Variants in DAB1 observed in about 807,000 individuals in gnomAD.
The protein encoded by DAB1 is disabled homolog 1.
DAB1 carries 15 observed loss-of-function variants against 64.6 expected under a neutral mutation model. The ratio of observed to expected loss-of-function variants is 0.23; its 90% CI spans 0.16 to 0.36. The LOEUF (loss-of-function observed/expected upper bound fraction) is 0.36. Among genes scored for constraint, DAB1 ranks in the 10% least tolerant of loss-of-function variants. The pLI, the probability that DAB1 is intolerant of heterozygous loss-of-function variation, is 1.00. For missense variants in DAB1, 596 were observed against 706.7 expected, an observed-to-expected ratio of 0.84 and a Z score of 1.78; for synonymous variants, 235 against 251.9, an observed-to-expected ratio of 0.93 and a Z score of 0.64.
Position 57,410,978 on chromosome 1 carries a change from T to C in DAB1, c.-137+12952A>G, listed in dbSNP as rs955394644. Among the ~76,000 whole-genome samples the C allele has an allele frequency of 2.6e-5, 4 of 152,176 alleles. No individual in the cohort carries two copies. The South Asian group carries it at 6.2e-4, about 24-fold the overall frequency. ...TCACCAGTACTGATGTCATAAGGGATGACTGTTGGAGGGAAATGAATATCT... is the reference window on the plus strand; with the variant it reads ...TCACCAGTACTGATGTCATAAGGGACGACTGTTGGAGGGAAATGAATATCT... On this transcript the variant is annotated intron_variant, in intron 1 of 14. Transcript: ENST00000371236.
At chr1:57,623,809 C>T (rs1645890361) in intron 7 of DAB1, among the ~76,000 whole-genome samples, 1 of 152,218 alleles carries the variant, frequency 6.6e-6, no homozygotes, top group East Asian at 1.9e-4. Context: ...TGTCTTCTTA[C>T]ACCTGTCCAT....
At chr1:58,277,320 G>A (rs1263239989) in intron 4 of DAB1, among the ~76,000 whole-genome samples, 2 of 152,220 alleles carry the variant, frequency 1.3e-5, no homozygotes, top group South Asian at 2.1e-4. Context: ...GATTACAGGC[G>A]TGACCCACCG....
chr1:57,319,395 A>G (rs903523210), intron 1 of DAB1, among the ~76,000 whole-genome samples: 3 of 151,980 alleles, frequency 2.0e-5, no homozygotes, highest in African/African-American at 7.3e-5. Context: ...TTTTCTATAC[A>G]CATATTTGGA....
intron 4 of DAB1, among the ~76,000 whole-genome samples, chr1:58,159,340 T>C (rs929398535): frequency 6.6e-6 from 1 of 152,202 alleles, no homozygotes; most frequent in South Asian, 2.1e-4. Context: ...CCATCGAGTT[T>C]ATCCATTTCC....
chr1:57,153,902 G>A (rs1659959514), intron 2 of DAB1, among the ~76,000 whole-genome samples: 1 of 152,112 alleles, frequency 6.6e-6, no homozygotes, highest in Non-Finnish European at 1.5e-5. Flanking sequence ...GCCTTCCAAA[G>A]TGTTGGGATT....
chr1:57,200,571 G>C (rs1360839874), intron 2 of DAB1, among the ~76,000 whole-genome samples: 1 of 151,640 alleles, frequency 6.6e-6, no homozygotes, highest in Non-Finnish European at 1.5e-5. Context: ...CTTTCTGGGT[G>C]TCAGTTTCCT....
intron 2 of DAB1, among the ~76,000 whole-genome samples, chr1:57,161,700 A>G (rs1159162259): frequency 6.6e-6 from 1 of 152,152 alleles, no homozygotes; most frequent in African/African-American, 2.4e-5. Context: ...AAAGGGAAAC[A>G]TGTTCAAGAC....
At chr1:58,280,960 G>A (rs1462725981) in intron 4 of DAB1, among the ~76,000 whole-genome samples, 1 of 152,208 alleles carries the variant, frequency 6.6e-6, no homozygotes, top group South Asian at 2.1e-4. Context: ...GAGGAGTTGG[G>A]ATGGGCCATG....
intron 5 of DAB1, among the ~76,000 whole-genome samples, chr1:57,997,554 G>T (rs937710971): frequency 2.6e-5 from 4 of 152,106 alleles, no homozygotes; most frequent in Non-Finnish European, 5.9e-5. Flanking sequence ...AAGGTTTGAG[G>T]TTGCTGCAGA....
At chr1:57,544,329 A>T (rs1406385650) in intron 7 of DAB1, among the ~76,000 whole-genome samples, 1 of 152,196 alleles carries the variant, frequency 6.6e-6, no homozygotes, top group Non-Finnish European at 1.5e-5. Flanking sequence ...ACTTTCATAC[A>T]CATTATTTTA....
chr1:58,075,650 T>A (rs1408475614), intron 5 of DAB1, among the ~76,000 whole-genome samples: 1 of 152,158 alleles, frequency 6.6e-6, no homozygotes, highest in Non-Finnish European at 1.5e-5. Flanking sequence ...AAAGGATTTG[T>A]CAAAAATGAC....
intron 4 of DAB1, among the ~76,000 whole-genome samples, chr1:58,322,499 T>C (rs1162456616): frequency 1.3e-5 from 2 of 152,202 alleles, no homozygotes; most frequent in Non-Finnish European, 2.9e-5. Context: ...ATGCTCATCA[T>C]CACTGGTCAT....
At chr1:57,363,124 T>C (rs1451277979) in intron 1 of DAB1, among the ~76,000 whole-genome samples, 1 of 152,224 alleles carries the variant, frequency 6.6e-6, no homozygotes, top group Non-Finnish European at 1.5e-5. Flanking sequence ...GGAAAGTTTA[T>C]TTCTTCATAG....
intron 3 of DAB1, among the ~76,000 whole-genome samples, chr1:58,361,269 T>A (rs985747587): frequency 3.9e-5 from 6 of 152,278 alleles, no homozygotes; most frequent in African/African-American, 1.4e-4. Flanking sequence ...ATTCAAAGTG[T>A]GTGGTTAGAG....
chr1:58,349,335 A>G lies in DAB1; in HGVS notation n.258-5932T>C, dbSNP rs571193854. Among the ~76,000 whole-genome samples, 11 of 152,306 alleles carry G rather than the reference A, an allele frequency of 7.2e-5. No individual in the cohort carries two copies. The South Asian group carries it at 2.3e-3, about 32-fold the overall frequency. Reference sequence around the variant, plus strand: ...CAAGTCACTGAGCATGAACCAGTGCATAGCGGGGAAAAGCATGTGAGCAGC... The same window carrying G: ...CAAGTCACTGAGCATGAACCAGTGCGTAGCGGGGAAAAGCATGTGAGCAGC... On this transcript the variant is annotated intron_variant and non_coding_transcript_variant, in intron 3 of 20. Transcript: ENST00000485760.
At chr1:57,528,966 T>G (rs1644629083) in intron 7 of DAB1, among the ~76,000 whole-genome samples, 1 of 151,956 alleles carries the variant, frequency 6.6e-6, no homozygotes, top group Admixed American at 6.6e-5. Flanking sequence ...CAGAAGACAT[T>G]AAAAATACTT....
intron 6 of DAB1, among the ~76,000 whole-genome samples, chr1:57,702,091 T>A (rs1181513181): frequency 6.6e-6 from 1 of 152,150 alleles, no homozygotes; most frequent in African/African-American, 2.4e-5. Context: ...TTAGCACTGA[T>A]GGATTAGTTA....
At chr1:57,139,175 C>T (rs3861832) in intron 3 of DAB1, among the ~76,000 whole-genome samples, 3,333 of 152,160 alleles carry the variant, frequency 0.022, 142 homozygotes, top group African/African-American at 0.077. Context: ...ATCTTCATTG[C>T]CAGAGTGATA....
At chr1:58,022,721 C>T (rs1056440239) in intron 5 of DAB1, among the ~76,000 whole-genome samples, 2 of 152,102 alleles carry the variant, frequency 1.3e-5, no homozygotes, top group Non-Finnish European at 2.9e-5. Context: ...TGAGTATTTC[C>T]TCTAAACTAC....
Sources: gnomAD v4.1 joint callset for allele counts (sites outside exome capture counted in the v4.1 genomes callset) on GRCh38, gnomAD v4.1.1 for gene constraint, MANE v1.5 for transcripts, NCBI Gene and HGNC (gene_info 2026-07-23, HGNC 2026-07-21) for gene names.